OSBPL3: variants seen among roughly 807,000 people sequenced by gnomAD.
OSBPL3 encodes the protein oxysterol-binding protein-related protein 3.
Under a neutral mutation model 120.1 loss-of-function variants are expected in OSBPL3, and 65 were observed. The ratio of observed to expected loss-of-function variants is 0.54; its 90% CI spans 0.44 to 0.67. The LOEUF (loss-of-function observed/expected upper bound fraction) is 0.67. OSBPL3 is among the 30% of genes least tolerant of loss of function. The pLI, the probability that OSBPL3 is intolerant of heterozygous loss-of-function variation, is 0.00. For missense variants in OSBPL3, 1,004 were observed against 1,082.1 expected (o/e 0.93, Z 1.01); for synonymous variants, 416 against 402.6 (o/e 1.03, Z -0.40).
Position 24,821,381 on chromosome 7 carries a change from C to T in OSBPL3, c.1885-1143G>A, listed in dbSNP as rs187818321. ...TAAGCAGCTGTACAGTTTTCAGACC[C>T]GTCTTATCAAGAACCCAGAATACTG... On this transcript the variant is annotated intron_variant, in intron 16 of 22. Coordinates refer to ENST00000313367, the MANE Select transcript of OSBPL3 (RefSeq NM_015550.4). The surrounding 1 kb of genome is among the most constrained non-coding windows in gnomAD (Gnocchi z 5.5). Among the ~76,000 whole-genome samples the T allele has an allele frequency of 6.6e-5, 10 of 152,296 alleles. No homozygotes were observed. Among genetic ancestry groups the T allele is most frequent in the Admixed American group, 2.6e-4 (4 of 15,302 alleles).
intron 10 of OSBPL3, among the ~76,000 whole-genome samples, chr7:24,859,888 T>G (rs1436839566): frequency 6.6e-6 from 1 of 152,176 alleles, no homozygotes; most frequent in East Asian, 1.9e-4. Flanking sequence ...CAATCCCCTA[T>G]TGTTTGGCAT....
chr7:24,814,389 C>T (rs957791756), intron 19 of OSBPL3, among the ~76,000 whole-genome samples: 1 of 151,674 alleles, frequency 6.6e-6, no homozygotes, highest in Admixed American at 6.6e-5. Flanking sequence ...CATAAGGATG[C>T]AGGCTTCAAC....
rs891356910 is a variant in OSBPL3, at chr7:24,831,976, T to C, written c.1747-1071A>G. Among the ~76,000 whole-genome samples, 12 of 150,972 alleles carry C rather than the reference T, an allele frequency of 7.9e-5. No individual in the cohort carries two copies. The highest frequency in any genetic ancestry group is 1.8e-4 in the Non-Finnish European group (12 of 67,680). ...CAGCACTTTGGGAGACCGAGGCAGG[T>C]GGATCTGCTTGAGCCCAAGAGTTCA... On this transcript the variant is annotated intron_variant, in intron 15 of 22. Coordinates refer to ENST00000313367, the MANE Select transcript of OSBPL3 (RefSeq NM_015550.4). This position sits in a 1 kb window ranked among gnomAD's most constrained non-coding sequence, Gnocchi z 4.0.
At chr7:24,981,268 G>A (rs1313960679), upstream of OSBPL3, 1 of 152,246 alleles carries the variant, frequency 6.6e-6, no homozygotes, top group African/African-American at 2.4e-5. The surrounding 1 kb of genome is among the most constrained non-coding windows in gnomAD (Gnocchi z 7.3). Flanking sequence ...GCCTCTAGGC[G>A]AGGGTGGCTT....
intron 2 of OSBPL3, among the ~76,000 whole-genome samples, chr7:24,882,982 T>C (rs1311319847): frequency 5.3e-5 from 8 of 152,242 alleles, no homozygotes; most frequent in African/African-American, 1.9e-4. Context: ...ATTAGTTCCC[T>C]GTTGGAAGCA....
Position 24,916,923 on chromosome 7 carries a change from C to CCA in OSBPL3, c.-149-24303_-149-24302insTG, listed in dbSNP as rs1809641367. Among the ~76,000 whole-genome samples, 1 of 150,572 alleles carries CCA rather than the reference C, an allele frequency of 6.6e-6. No homozygotes were observed. Among genetic ancestry groups the CCA allele is most frequent in the South Asian group, 2.1e-4 (1 of 4,722 alleles). ...CTAAGACGTCTTCCATTTCCACCCC[C>CCA]CCCAACCTTTTTAGAAAATTAAATA... is the stretch of plus-strand genomic sequence containing the variant. On this transcript the variant is annotated intron_variant, in intron 1 of 22. Coordinates refer to ENST00000313367, the MANE Select transcript of OSBPL3 (RefSeq NM_015550.4). The surrounding 1 kb of genome is among the most constrained non-coding windows in gnomAD (Gnocchi z 4.9).
At chr7:24,856,726 G>A (rs1052812973) in intron 10 of OSBPL3, among the ~76,000 whole-genome samples, 1 of 152,136 alleles carries the variant, frequency 6.6e-6, no homozygotes, top group African/African-American at 2.4e-5. Context: ...TACTATCACA[G>A]AGCACCTAAC....
chr7:24,830,101 C>T lies in OSBPL3; in HGVS notation c.1884+667G>A, dbSNP rs111361893. On this transcript the variant is annotated intron_variant, in intron 16 of 22. Coordinates refer to ENST00000313367, the MANE Select transcript of OSBPL3 (RefSeq NM_015550.4). The surrounding 1 kb of genome is among the most constrained non-coding windows in gnomAD (Gnocchi z 4.4). ...AGTAAGAGGTAGAACTGAGGTAGGA[C>T]GGATCCTGGGCTGTCTGAAGCCTGA... Among the ~76,000 whole-genome samples the T allele has an allele frequency of 8.7e-3, 1,331 of 152,268 alleles. 17 individuals carry two copies. The highest frequency in any genetic ancestry group is 0.032 in the South Asian group (155 of 4,814).
At position 24,892,516 on chromosome 7, in the gene OSBPL3, G is replaced by T; in HGVS notation, c.-44C>A. 6.3e-7 allele frequency: 1 copy of T among 1,596,922 alleles called. No individual in the cohort carries two copies. Among genetic ancestry groups the T allele is most frequent in the Non-Finnish European group, 8.6e-7 (1 of 1,167,096 alleles). On this transcript the variant is annotated 5_prime_UTR_variant, in exon 2 of 23. The change creates a new upstream start codon in the 5' untranslated region. Transcript: ENST00000313367. The stretch of plus-strand genomic sequence containing the variant: ...CCTCGAGACAATCAAAATGCCATCA[G>T]ATGACAAGGGAGCCGAGAGTATGGA...
upstream of OSBPL3, among the ~76,000 whole-genome samples, chr7:24,981,181 A>G (rs144406772): frequency 2.6e-5 from 4 of 152,340 alleles, no homozygotes; most frequent in African/African-American, 9.6e-5. This position sits in a 1 kb window ranked among gnomAD's most constrained non-coding sequence, Gnocchi z 7.3. Flanking sequence ...AAAGGCTGAC[A>G]GACTGTTAGT....
At chr7:24,885,437 A>G (rs1804371924) in intron 2 of OSBPL3, among the ~76,000 whole-genome samples, 2 of 152,052 alleles carry the variant, frequency 1.3e-5, no homozygotes, top group African/African-American at 4.8e-5. Context: ...TACCCTGCAT[A>G]AATAAGCTCT....
At chr7:24,859,164 A>C (rs749567999) in intron 10 of OSBPL3, among the ~76,000 whole-genome samples, 3 of 152,168 alleles carry the variant, frequency 2.0e-5, no homozygotes, top group Non-Finnish European at 4.4e-5. Flanking sequence ...CCTCATATCC[A>C]ACATGTTTTA....
chr7:24,943,293 A>G (rs1813310506), intron 1 of OSBPL3, among the ~76,000 whole-genome samples: 1 of 152,210 alleles, frequency 6.6e-6, no homozygotes, highest in African/African-American at 2.4e-5. Flanking sequence ...ACTCTAGGTC[A>G]CACCACAGCA....
intron 2 of OSBPL3, among the ~76,000 whole-genome samples, chr7:24,880,395 C>T (rs1266170436): frequency 1.3e-5 from 2 of 152,128 alleles, no homozygotes; most frequent in East Asian, 3.9e-4. Context: ...ACTGACCCTC[C>T]CCTACCAGTC....
Position 24,804,850 on chromosome 7 carries a change from T to A in OSBPL3, c.2445-413A>T, listed in dbSNP as rs1469932593. 1.3e-5 allele frequency among the ~76,000 whole-genome samples: 2 copies of A among 152,220 alleles called. No homozygotes were observed. Among genetic ancestry groups the A allele is most frequent in the Admixed American group, 1.3e-4 (2 of 15,278 alleles). ...AATATAAATGGTAGCATGCTATGTATCCCTTGATTTTTGGTTTTGGTTTAT... is the reference window on the plus strand; with the variant it reads ...AATATAAATGGTAGCATGCTATGTAACCCTTGATTTTTGGTTTTGGTTTAT... On this transcript the variant is annotated intron_variant, in intron 21 of 22. Transcript: ENST00000313367. The surrounding 1 kb of genome is among the most constrained non-coding windows in gnomAD (Gnocchi z 5.4).
At position 24,968,116 on chromosome 7, in the gene OSBPL3, C is replaced by T. The variant is rs1396180506; in HGVS notation, c.-150+11770G>A. Among the ~76,000 whole-genome samples, 1 of 152,212 alleles carries T rather than the reference C, an allele frequency of 6.6e-6. No homozygotes were observed. Among genetic ancestry groups the T allele is most frequent in the Non-Finnish European group, 1.5e-5 (1 of 68,038 alleles). On this transcript the variant is annotated intron_variant, in intron 1 of 22. Coordinates refer to ENST00000313367, the MANE Select transcript of OSBPL3 (RefSeq NM_015550.4). This position sits in a 1 kb window ranked among gnomAD's most constrained non-coding sequence, Gnocchi z 4.6. ...ACACCTATCCTGCCTTCCGTTACCCCTTCCTAGGACAGTCTGATGTTATAG... is the reference window on the plus strand; with the variant it reads ...ACACCTATCCTGCCTTCCGTTACCCTTTCCTAGGACAGTCTGATGTTATAG...
intron 1 of OSBPL3, among the ~76,000 whole-genome samples, chr7:24,960,877 G>T (rs762786130): frequency 6.6e-6 from 1 of 152,148 alleles, no homozygotes; most frequent in African/African-American, 2.4e-5. Context: ...AAAAAGATAG[G>T]ATGCTATCAA....
chr7:24,957,793 T>C (rs1259328234), intron 1 of OSBPL3, among the ~76,000 whole-genome samples: 1 of 152,166 alleles, frequency 6.6e-6, no homozygotes, highest in Non-Finnish European at 1.5e-5. Context: ...ATTCAAGTCC[T>C]CCATGATCTT....
intron 1 of OSBPL3, among the ~76,000 whole-genome samples, chr7:24,927,514 G>C (rs1285934391): frequency 6.6e-6 from 1 of 152,164 alleles, no homozygotes; most frequent in Non-Finnish European, 1.5e-5. Flanking sequence ...GACTAAAGAA[G>C]AATTAATAAC....
Sources: allele counts gnomAD v4.1 joint callset (sites outside exome capture counted in the v4.1 genomes callset), GRCh38; gene constraint gnomAD v4.1.1; non-coding constraint Gnocchi (gnomAD v3.1); transcripts MANE v1.5; gene names NCBI Gene and HGNC (gene_info 2026-07-23, HGNC 2026-07-21).